Variants in MYT1L observed in about 807,000 individuals in gnomAD.
MYT1L encodes the protein myelin transcription factor 1 like.
In MYT1L, 12 loss-of-function variants were observed where a neutral mutation model predicts 126.7. That is an observed-to-expected ratio of 0.09 (90% CI 0.06 to 0.15). The LOEUF is 0.15. Among genes scored for constraint, MYT1L ranks in the 10% least tolerant of loss-of-function variants. The probability of loss-of-function intolerance (pLI) is 1.00; values close to 1 mark genes in which losing one functional copy is unlikely to be tolerated. For missense variants in MYT1L, 979 were observed against 1,585.2 expected (o/e 0.62, Z 6.49); for synonymous variants, 541 against 604.2 (o/e 0.90, Z 1.53).
chr2:2,102,987 G>C (rs2078283913), intron 3 of MYT1L, among the ~76,000 whole-genome samples: 1 of 152,068 alleles, frequency 6.6e-6, no homozygotes, highest in South Asian at 2.1e-4. Flanking sequence ...GCTCTGTGCA[G>C]GGAAGTAGGA....
At chr2:1,914,038 A>G (rs2052452429) in intron 11 of MYT1L, among the ~76,000 whole-genome samples, 1 of 151,848 alleles carries the variant, frequency 6.6e-6, no homozygotes, top group Non-Finnish European at 1.5e-5. Flanking sequence ...GGCGGATCAC[A>G]AGGTCAGGAG....
At chr2:2,038,448 AC>A (rs2067134351) in intron 4 of MYT1L, among the ~76,000 whole-genome samples, 1 of 150,704 alleles carries the variant, frequency 6.6e-6, no homozygotes, top group Non-Finnish European at 1.5e-5. Context: ...TGCCATCACC[AC>A]CCTCCTTCAA....
At chr2:2,190,508 T>TTAATA (rs2092524133) in intron 2 of MYT1L, among the ~76,000 whole-genome samples, 1 of 147,454 alleles carries the variant, frequency 6.8e-6, no homozygotes, top group African/African-American at 2.5e-5. Context: ...CAGGCAGATG[T>TTAATA]TAATATTTCT....
chr2:2,230,507 G>A (rs1251834894), intron 2 of MYT1L, among the ~76,000 whole-genome samples: 1 of 152,186 alleles, frequency 6.6e-6, no homozygotes, highest in African/African-American at 2.4e-5. Context: ...ACTATTATGG[G>A]TCTTGCTGAG....
At chr2:1,963,180 C>G (rs6709629) in intron 8 of MYT1L, among the ~76,000 whole-genome samples, 68,031 of 152,164 alleles carry the variant, frequency 0.45, 18,677 homozygotes, top group African/African-American at 0.77. Context: ...TGCATCTCCA[C>G]CAGTGCTCTT....
At chr2:1,973,615 C>G (rs140037336) in intron 8 of MYT1L, among the ~76,000 whole-genome samples, 315 of 152,330 alleles carry the variant, frequency 2.1e-3, no homozygotes, top group Non-Finnish European at 3.3e-3. Context: ...GGATGAATAA[C>G]AACGTCTCTT....
chr2:2,152,544 C>T (rs553748839), intron 3 of MYT1L, among the ~76,000 whole-genome samples: 8 of 152,006 alleles, frequency 5.3e-5, no homozygotes, highest in African/African-American at 1.2e-4. Flanking sequence ...CTGCAGGAGA[C>T]GATTACATGG....
At chr2:1,807,372 T>G (rs2035883792) in intron 22 of MYT1L, among the ~76,000 whole-genome samples, 1 of 152,138 alleles carries the variant, frequency 6.6e-6, no homozygotes, top group Non-Finnish European at 1.5e-5. Flanking sequence ...AGGGGCTTCA[T>G]GCCTGCATGC....
intron 11 of MYT1L, among the ~76,000 whole-genome samples, chr2:1,915,833 C>A (rs899651788): frequency 6.6e-6 from 1 of 152,210 alleles, no homozygotes; most frequent in African/African-American, 2.4e-5. Flanking sequence ...CAGGCATTGG[C>A]TAACCTCTGG....
chr2:1,800,329 G>A (rs1255272140), intron 23 of MYT1L: 1 of 152,310 alleles, frequency 6.6e-6, no homozygotes, highest in East Asian at 1.9e-4. Flanking sequence ...ATTCCAACCT[G>A]TGTTGGGTGA....
At chr2:1,817,483 G>A (rs1572514086) in intron 21 of MYT1L, among the ~76,000 whole-genome samples, 1 of 152,260 alleles carries the variant, frequency 6.6e-6, no homozygotes, top group African/African-American at 2.4e-5. Context: ...TAAGGAGCAG[G>A]AGCCTTCAGC....
In MYT1L at chr2:2,172,921, C is replaced by T. The variant is rs192147290; in HGVS notation, c.-353G>A. ...GTGATCTCAGGACCTGATATTCTTCCGCCGTCGACCAGGGTTTGAAGATGC... is the reference window on the plus strand; with the variant it reads ...GTGATCTCAGGACCTGATATTCTTCTGCCGTCGACCAGGGTTTGAAGATGC... On this transcript the variant is annotated 5_prime_UTR_variant, in exon 3 of 25. Transcript: ENST00000647738. The T allele has an allele frequency of 2.0e-5, 3 of 152,294 alleles. No homozygotes were observed. The highest frequency in any genetic ancestry group is 7.2e-5 in the African/African-American group (3 of 41,458). 9.4% of individuals were successfully genotyped at this position (152,294 alleles called of 1,614,324 possible).
In MYT1L at chr2:1,966,886, G is replaced by T. The variant is rs566277605; in HGVS notation, c.152+12279C>A. Among the ~76,000 whole-genome samples, 9 of 152,236 alleles carry T rather than the reference G, an allele frequency of 5.9e-5. No homozygotes were observed. The South Asian group carries it at 1.4e-3, about 25-fold the overall frequency. On this transcript the variant is annotated intron_variant, in intron 8 of 24. Coordinates refer to ENST00000647738, the MANE Select transcript of MYT1L (RefSeq NM_001303052.2). ...AAATCAGAGGAAAAATCTAGCAGTGGTTACCAATGCCCTGGACGAATGGCA... is the reference window on the plus strand; with the variant it reads ...AAATCAGAGGAAAAATCTAGCAGTGTTTACCAATGCCCTGGACGAATGGCA...
intron 9 of MYT1L, among the ~76,000 whole-genome samples, chr2:1,934,150 ATT>A (rs1174338927): frequency 2.0e-5 from 3 of 150,896 alleles, no homozygotes; most frequent in Non-Finnish European, 4.4e-5. Context: ...AATTTTTTGT[ATT>A]TTTAGTAGAG....
intron 1 of MYT1L, among the ~76,000 whole-genome samples, chr2:2,306,920 A>G (rs1399653459): frequency 6.6e-6 from 1 of 152,252 alleles, no homozygotes; most frequent in African/African-American, 2.4e-5. Context: ...GATCATAAAA[A>G]TACACCTTGC....
At chr2:2,108,751 A>T (rs183773797) in intron 3 of MYT1L, among the ~76,000 whole-genome samples, 17 of 152,228 alleles carry the variant, frequency 1.1e-4, no homozygotes, top group Non-Finnish European at 2.1e-4. Context: ...ATTTTGTTTT[A>T]TTCAGAAAGA....
chr2:1,992,350 C>T (rs559158154), intron 5 of MYT1L, among the ~76,000 whole-genome samples: 2 of 152,276 alleles, frequency 1.3e-5, no homozygotes, highest in African/African-American at 4.8e-5. Context: ...TTGGCTGTTG[C>T]CATTTTTTCC....
At chr2:2,296,609 GA>G (rs1048440312) in intron 1 of MYT1L, among the ~76,000 whole-genome samples, 2 of 152,160 alleles carry the variant, frequency 1.3e-5, no homozygotes, top group Non-Finnish European at 2.9e-5. Context: ...GGAGAAGAGA[GA>G]GGGGGAGTGA....
At chr2:1,897,455 TTTTTTTTTG>T (rs2049749832) in intron 14 of MYT1L, among the ~76,000 whole-genome samples, 1 of 148,444 alleles carries the variant, frequency 6.7e-6, no homozygotes, top group Non-Finnish European at 1.5e-5. Context: ...CAAAACTTTT[TTTTTTTTTG>T]TTTGTTTGTT....
Sources: allele counts gnomAD v4.1 joint callset (sites outside exome capture counted in the v4.1 genomes callset), GRCh38; gene constraint gnomAD v4.1.1; transcripts MANE v1.5; gene names NCBI Gene and HGNC (gene_info 2026-07-23, HGNC 2026-07-21).